The following DSG2 variants were observed in gnomAD, a reference collection of about 807,000 sequenced individuals.
DSG2 encodes the protein desmoglein 2, also known as desmoglein-2.
A neutral mutation model predicts 75.6 loss-of-function variants in DSG2; 45 were observed. The observed-to-expected ratio is 0.60, with a 90% CI of 0.47 to 0.76. The LOEUF (loss-of-function observed/expected upper bound fraction) is 0.76. Ranked by LOEUF, DSG2 falls within the 30% of genes least tolerant of loss-of-function variation. The pLI is 0.00. For missense variants in DSG2, 1,267 were observed against 1,357.4 expected (o/e 0.93, Z 1.05); for synonymous variants, 429 against 483.9 (o/e 0.89, Z 1.49).
chr18:31,512,512 C>G (rs963049418), intron 1 of DSG2, among the ~76,000 whole-genome samples: 1 of 152,250 alleles, frequency 6.6e-6, no homozygotes, highest in Admixed American at 6.5e-5. Context: ...GTTCTCCATA[C>G]AGTAGCACCA....
chr18:31,503,409 A>G lies in DSG2; in HGVS notation c.45+5113A>G, dbSNP rs143993827. On this transcript the variant is annotated intron_variant, in intron 1 of 14. Coordinates refer to ENST00000261590, the MANE Select transcript of DSG2 (RefSeq NM_001943.5). ...TTCTAGGTAGAGAGAAGAGCATCTA[A>G]AAGGCCTGAAAATGATAGTTCATGG... Among the ~76,000 whole-genome samples the G allele has an allele frequency of 2.9e-3, 443 of 152,304 alleles. 1 individual carries two copies. The highest frequency in any genetic ancestry group is 0.01 in the African/African-American group (427 of 41,562).
chr18:31,528,108 G>A (rs1305463381), intron 8 of DSG2, among the ~76,000 whole-genome samples: 1 of 152,156 alleles, frequency 6.6e-6, no homozygotes, highest in East Asian at 1.9e-4. Flanking sequence ...GATTGCTAGT[G>A]GAATTGTAAC....
At chr18:31,508,493 A>G (rs2073050601) in intron 1 of DSG2, among the ~76,000 whole-genome samples, 2 of 151,986 alleles carry the variant, frequency 1.3e-5, no homozygotes, top group African/African-American at 4.8e-5. Flanking sequence ...TCCTGGGTTC[A>G]AGTGATTCTT....
At chr18:31,527,895 A>T (rs1292317812) in intron 8 of DSG2, among the ~76,000 whole-genome samples, 1 of 152,230 alleles carries the variant, frequency 6.6e-6, no homozygotes, top group Non-Finnish European at 1.5e-5. Context: ...TTGTATCATC[A>T]CATAGTGGAA....
chr18:31,517,383 G>T (rs1266292662), intron 1 of DSG2, among the ~76,000 whole-genome samples: 3 of 152,088 alleles, frequency 2.0e-5, no homozygotes, highest in African/African-American at 7.2e-5. Context: ...GATCAGCAGG[G>T]TGACTATAGT....
rs947366031 is a variant in DSG2, at chr18:31,498,184, C to A, written c.-68C>A. 1.4e-5 allele frequency: 17 copies of A among 1,212,634 alleles called. No homozygotes were observed. Among genetic ancestry groups the A allele is most frequent in the Non-Finnish European group, 1.7e-5 (17 of 971,966 alleles). 75.1% of individuals were successfully genotyped at this position (1,212,634 alleles called of 1,614,324 possible). A position where few individuals can be genotyped will look rare whatever the true frequency, so the allele number is the denominator to read the frequency against. On this transcript the variant is annotated 5_prime_UTR_variant, in exon 1 of 15. Transcript: ENST00000261590. ...GGGGAGGCCGGGGCCAGGGAGGAGC[C>A]GAGTGCGCGCTCGGGGCAGGCGGCG...
Position 31,524,559 on chromosome 18 carries a change from A to G in DSG2, c.802A>G (p.Asn268Asp). The stretch of plus-strand genomic sequence containing the variant: ...GATTCGTATTTTGGATGTCAATGAC[A>G]ATATACCTGTAGTAGAAAATAAAGT... The part of the protein sequence containing the change: ...VQIRILDVND[N>D]IPVVENKVLE... The change falls in exon 7 of 15, where the codon AAT (asparagine) becomes GAT (aspartate). Residue 268 changes from asparagine to aspartate, a missense_variant. Transcript: ENST00000261590. 1 of 1,614,116 alleles carries G rather than the reference A, an allele frequency of 6.2e-7. No individual in the cohort carries two copies. The highest frequency in any genetic ancestry group is 1.1e-5 in the South Asian group (1 of 91,078).
chr18:31,519,465 G>A (rs538292334), intron 2 of DSG2, among the ~76,000 whole-genome samples: 51 of 152,318 alleles, frequency 3.3e-4, no homozygotes, highest in African/African-American at 1.2e-3. Context: ...TTAGGAGGCT[G>A]AGGCAGGAAG....
At chr18:31,532,291 G>C (rs2073203282) in intron 9 of DSG2, among the ~76,000 whole-genome samples, 1 of 152,086 alleles carries the variant, frequency 6.6e-6, no homozygotes, top group South Asian at 2.1e-4. Flanking sequence ...AGGAACAAGG[G>C]AACTCACTGG....
At chr18:31,539,535 G>T (rs1183373899) in intron 12 of DSG2, among the ~76,000 whole-genome samples, 2 of 152,194 alleles carry the variant, frequency 1.3e-5, no homozygotes, top group African/African-American at 4.8e-5. Context: ...ACCGTAAGAT[G>T]TTCTCAACCA....
chr18:31,541,336 A>G (rs944181489), intron 13 of DSG2, 22 bp downstream of exon 13: 8 of 1,613,502 alleles, frequency 5.0e-6, no homozygotes, highest in Non-Finnish European at 6.8e-6. Flanking sequence ...AGATGTCAAT[A>G]TGACTTGTCT....
chr18:31,542,953 CTT>C, intron 14 of DSG2, 101 bp downstream of exon 14: 1 of 917,886 alleles, frequency 1.1e-6, no homozygotes, highest in East Asian at 3.7e-5. Context: ...CCAAATGAGA[CTT>C]TGGGTTTTTT....
chr18:31,546,299 T>G lies in DSG2; in HGVS notation c.2913T>G (p.Ala971=), dbSNP rs200793530. 58 of 1,603,580 alleles carry G rather than the reference T, an allele frequency of 3.6e-5. No individual in the cohort carries two copies. In the Admixed American group the frequency reaches 4.9e-4, roughly 13 times the overall value. ...TGACAGAGAGGGTGTATGCTCCAGC[T>G]TCTACCTTGGTAGATCAGCCTTATG... is the stretch of plus-strand genomic sequence containing the variant. The part of the protein sequence containing the change: ...LIVTERVYAP[A]STLVDQPYAN... Residue 971 remains alanine, a synonymous_variant, in exon 15 of 15, where the codon GCT becomes GCG. Transcript: ENST00000261590.
intron 1 of DSG2, among the ~76,000 whole-genome samples, chr18:31,500,233 A>G (rs760629473): frequency 6.6e-6 from 1 of 152,210 alleles, no homozygotes; most frequent in Non-Finnish European, 1.5e-5. Flanking sequence ...ACCTAAGTGT[A>G]GGAAGGATTG....
intron 13 of DSG2, chr18:31,542,169 G>T: frequency 2.9e-6 from 1 of 342,034 alleles, no homozygotes; most frequent in South Asian, 2.9e-5. Flanking sequence ...CTTTATTTTG[G>T]GTGGCCATGG....
chr18:31,546,340 T>C lies in DSG2; in HGVS notation c.2954T>C (p.Val985Ala). 3 of 1,612,496 alleles carry C rather than the reference T, an allele frequency of 1.9e-6. No individual in the cohort carries two copies. Among genetic ancestry groups the C allele is most frequent in the South Asian group, 1.1e-5 (1 of 90,898 alleles). Residue 985 changes from valine to alanine, a missense_variant, in exon 15 of 15, where the codon GTT becomes GCT. Val to Ala is a moderately conservative substitution (Grantham distance 64). Coordinates refer to ENST00000261590, the MANE Select transcript of DSG2 (RefSeq NM_001943.5). ...VDQPYANEGT[V>A]VVTERVIQPH... ...CAGCCTTATGCTAATGAAGGTACAG[T>C]TGTGGTCACTGAAAGAGTAATACAG...
intron 9 of DSG2, 67 bp from the exon 10 acceptor site, chr18:31,535,203 C>A: frequency 9.9e-7 from 1 of 1,014,630 alleles, no homozygotes; most frequent in Non-Finnish European, 1.5e-6. Flanking sequence ...CTTGAAAGAG[C>A]TGTAGATGTT....
At chr18:31,542,955 T>C in intron 14 of DSG2, 103 bp downstream of exon 14, 1 of 981,310 alleles carries the variant, frequency 1.0e-6, no homozygotes, top group South Asian at 2.1e-5. Context: ...AAATGAGACT[T>C]TGGGTTTTTT....
rs547971339 is a variant in DSG2, at chr18:31,543,280, T to C, written c.2334+428T>C. The C allele has an allele frequency of 5.5e-5, 9 of 163,206 alleles. No individual in the cohort carries two copies. In the South Asian group the frequency reaches 6.9e-4, roughly 12 times the overall value. The allele number at this position is 163,206 out of a possible 1,614,324, so 10.1% of individuals were successfully genotyped here. On this transcript the variant is annotated intron_variant, in intron 14 of 14. Coordinates refer to ENST00000261590, the MANE Select transcript of DSG2 (RefSeq NM_001943.5). ...TCCACCTTTTTACACCACATTTCAT[T>C]GACCAAAGCAAGTCATATGACCAAG...
Sources: gnomAD v4.1 joint callset for allele counts (sites outside exome capture counted in the v4.1 genomes callset) on GRCh38, gnomAD v4.1.1 for gene constraint, MANE v1.5 for transcripts, NCBI Gene and HGNC (gene_info 2026-07-23, HGNC 2026-07-21) for gene names.